Variants in NAT2 observed in about 807,000 individuals in gnomAD.
NAT2 encodes the protein N-acetyltransferase 2, also known as arylamine N-acetyltransferase 2.
For synonymous variants in NAT2, 137 were observed against 125.9 expected (o/e 1.09, Z -0.59); for missense variants, 428 against 339.1 (o/e 1.26, Z -2.06).
At chr8:18,389,657 A>C (rs144778606), upstream of NAT2, among the ~76,000 whole-genome samples, 465 of 152,352 alleles carry the variant, frequency 3.1e-3, no homozygotes, top group African/African-American at 9.9e-3. Flanking sequence ...GTGCCAAAAG[A>C]AAAAGTACAT....
At chr8:18,387,024 AC>A (rs1411334867), upstream of NAT2, 3 of 152,198 alleles carry the variant, frequency 2.0e-5, no homozygotes, top group East Asian at 5.8e-4. Context: ...CGGGACAGAG[AC>A]GGCAGCCCCA....
upstream of NAT2, among the ~76,000 whole-genome samples, chr8:18,386,474 C>T (rs1429283207): frequency 6.6e-6 from 1 of 152,140 alleles, no homozygotes; most frequent in African/African-American, 2.4e-5. Flanking sequence ...GAGACTCAAA[C>T]AGGCAGAAGC....
At chr8:18,396,719 A>C (rs1752943312) in intron 1 of NAT2, among the ~76,000 whole-genome samples, 1 of 152,216 alleles carries the variant, frequency 6.6e-6, no homozygotes, top group Admixed American at 6.5e-5. Flanking sequence ...AAATAAGACT[A>C]GCTTAATATT....
intron 1 of NAT2, among the ~76,000 whole-genome samples, chr8:18,394,494 A>G (rs940330832): frequency 6.6e-6 from 1 of 152,212 alleles, no homozygotes; most frequent in Admixed American, 6.5e-5. Flanking sequence ...TTTTTTGTAA[A>G]GAATCTCATA....
intron 1 of NAT2, among the ~76,000 whole-genome samples, chr8:18,394,325 G>A (rs547517159): frequency 6.6e-6 from 1 of 152,160 alleles, no homozygotes; most frequent in African/African-American, 2.4e-5. Flanking sequence ...GGATATGATG[G>A]CTTAGCTTAG....
intron 1 of NAT2, among the ~76,000 whole-genome samples, chr8:18,395,163 G>A (rs527778773): frequency 2.5e-4 from 38 of 152,156 alleles, no homozygotes; most frequent in Non-Finnish European, 4.9e-4. Context: ...TGAGAGTCCT[G>A]GGAGTTTTTT....
upstream of NAT2, among the ~76,000 whole-genome samples, chr8:18,388,407 G>A (rs541112975): frequency 2.8e-5 from 4 of 141,548 alleles, no homozygotes; most frequent in African/African-American, 1.0e-4. Context: ...AGTTTGTTTA[G>A]TTTTCTCATT....
rs772941387 is a variant in NAT2 at position 18,400,754 on chromosome 8, G to A, written c.751G>A (p.Asp251Asn). ...YRKFNYKDNT[D>N]LVEFKTLTEE... ...AAAATTCAATTATAAAGACAATACA[G>A]ATCTGGTCGAGTTTAAAACTCTCAC... The change falls in exon 2 of 2, where the codon GAT (aspartate) becomes AAT (asparagine). Residue 251 changes from aspartate (D) to asparagine (N), a missense_variant. Coordinates refer to ENST00000286479, the MANE Select transcript of NAT2 (RefSeq NM_000015.3). The A allele has an allele frequency of 1.5e-5, 24 of 1,613,476 alleles. No individual in the cohort carries two copies. Among genetic ancestry groups the A allele is most frequent in the Non-Finnish European group, 1.0e-5 (12 of 1,179,938 alleles).
At chr8:18,394,133 G>A (rs1398155084) in intron 1 of NAT2, among the ~76,000 whole-genome samples, 10 of 152,154 alleles carry the variant, frequency 6.6e-5, no homozygotes, top group Non-Finnish European at 1.2e-4. Flanking sequence ...TCTCTGGCAG[G>A]CAGAGTGGGG....
chr8:18,394,456 T>C (rs1297186236), intron 1 of NAT2, among the ~76,000 whole-genome samples: 52 of 152,184 alleles, frequency 3.4e-4, no homozygotes, highest in Admixed American at 3.4e-3. Flanking sequence ...TAGGCTCCTT[T>C]TTAAAAAATG....
rs1800784655 is a variant in NAT2, at chr8:18,401,060, A to G, written c.*184A>G. ...AATAACTTTTTAAAGAAACATAAGG[A>G]CACATTTTCAAATTAATAAAAATAA... On this transcript the variant is annotated 3_prime_UTR_variant, in exon 2 of 2. Coordinates refer to ENST00000286479, the MANE Select transcript of NAT2 (RefSeq NM_000015.3). 4.4e-6 allele frequency: 2 copies of G among 454,672 alleles called. No individual in the cohort carries two copies. The highest frequency in any genetic ancestry group is 4.2e-5 in the Admixed American group (1 of 23,808). 28.2% of individuals were successfully genotyped at this position (454,672 alleles called of 1,614,324 possible).
At chr8:18,397,024 A>G (rs1477304652) in intron 1 of NAT2, among the ~76,000 whole-genome samples, 1 of 152,200 alleles carries the variant, frequency 6.6e-6, no homozygotes, top group Non-Finnish European at 1.5e-5. Flanking sequence ...ACTCATTAAT[A>G]GTTTGGCTCA....
chr8:18,389,538 A>G (rs536488031), upstream of NAT2, among the ~76,000 whole-genome samples: 233 of 152,366 alleles, frequency 1.5e-3, 1 homozygote, highest in Non-Finnish European at 2.7e-3. Flanking sequence ...CTGAGCTATC[A>G]TCTTAGATAC....
rs1258217220 is a variant in NAT2 at position 18,397,462 on chromosome 8, A to C, written c.-6-2536A>C. On this transcript the variant is annotated intron_variant, in intron 1 of 1. Coordinates refer to ENST00000286479, the MANE Select transcript of NAT2 (RefSeq NM_000015.3). ...TTTTTTCTGAAGTAAGATGACTGGTAATCTAAGAAAGAGGGAAATTTAGGA... is the reference window on the plus strand; with the variant it reads ...TTTTTTCTGAAGTAAGATGACTGGTCATCTAAGAAAGAGGGAAATTTAGGA... 2.0e-5 allele frequency among the ~76,000 whole-genome samples: 3 copies of C among 152,172 alleles called. No individual in the cohort carries two copies. The South Asian group carries it at 6.2e-4, about 31-fold the overall frequency.
At chr8:18,394,867 C>T (rs1309306618) in intron 1 of NAT2, among the ~76,000 whole-genome samples, 1 of 152,068 alleles carries the variant, frequency 6.6e-6, no homozygotes, top group African/African-American at 2.4e-5. Flanking sequence ...AATTATATTC[C>T]CATAAATTAG....
chr8:18,399,885 T>A, intron 1 of NAT2, 113 bp from the exon 2 acceptor site: 2 of 1,206,932 alleles, frequency 1.7e-6, no homozygotes, highest in Non-Finnish European at 2.3e-6. Flanking sequence ...TGACAGATAC[T>A]TATAACCATT....
chr8:18,393,009 C>T (rs984149518), intron 1 of NAT2, among the ~76,000 whole-genome samples: 1 of 152,026 alleles, frequency 6.6e-6, no homozygotes, highest in Non-Finnish European at 1.5e-5. Context: ...GAGGGTATGG[C>T]TGCATTAATG....
chr8:18,391,878 C>T (rs1201692637), intron 1 of NAT2, among the ~76,000 whole-genome samples: 1 of 152,212 alleles, frequency 6.6e-6, no homozygotes, highest in Non-Finnish European at 1.5e-5. Flanking sequence ...CTGGAGGTTT[C>T]ATCTACATGA....
intron 1 of NAT2, among the ~76,000 whole-genome samples, chr8:18,392,274 T>C (rs976869646): frequency 3.3e-5 from 5 of 152,114 alleles, no homozygotes; most frequent in Non-Finnish European, 7.3e-5. Flanking sequence ...AGTCACATGA[T>C]CACAAGGTGA....
Sources: allele counts gnomAD v4.1 joint callset (sites outside exome capture counted in the v4.1 genomes callset), GRCh38; gene constraint gnomAD v4.1.1; transcripts MANE v1.5; gene names NCBI Gene and HGNC (gene_info 2026-07-23, HGNC 2026-07-21).